COG5: variants seen among roughly 807,000 people sequenced by gnomAD.
COG5 encodes conserved oligomeric Golgi complex subunit 5.
Under a neutral mutation model 110.4 loss-of-function variants are expected in COG5, and 86 were observed. That is an observed-to-expected ratio of 0.78 (90% CI 0.65 to 0.93). The LOEUF (loss-of-function observed/expected upper bound fraction) is 0.93, where lower values mean the gene tolerates loss of function less well. COG5 is among the 40% of genes least tolerant of loss of function. The pLI, the probability that COG5 is intolerant of heterozygous loss-of-function variation, is 0.00. For missense variants in COG5, 1,077 were observed against 987.0 expected (o/e 1.09, Z -1.22); for synonymous variants, 360 against 334.6 (o/e 1.08, Z -0.83).
At chr7:107,538,608 C>G (rs1395131246) in intron 5 of COG5, among the ~76,000 whole-genome samples, 2 of 151,868 alleles carry the variant, frequency 1.3e-5, no homozygotes, top group Non-Finnish European at 2.9e-5. Context: ...AAAAAAAGTA[C>G]AGAAATTAGA....
chr7:107,535,155 G>T (rs1338272234), intron 5 of COG5, among the ~76,000 whole-genome samples: 1 of 151,538 alleles, frequency 6.6e-6, no homozygotes, highest in Non-Finnish European at 1.5e-5. Flanking sequence ...GAATCTCTGG[G>T]ACACAGCTAA....
intron 11 of COG5, among the ~76,000 whole-genome samples, chr7:107,309,753 GA>G (rs1366863382): frequency 5.3e-5 from 8 of 152,060 alleles, no homozygotes; most frequent in Non-Finnish European, 1.2e-4. Flanking sequence ...GTAATTTTAG[GA>G]ATTTTTTCAT....
At chr7:107,276,684 T>C (rs1440506445) in intron 14 of COG5, among the ~76,000 whole-genome samples, 2 of 152,136 alleles carry the variant, frequency 1.3e-5, no homozygotes, top group Non-Finnish European at 2.9e-5. Context: ...CTTTCCACTG[T>C]AAGGTCTAGT....
intron 6 of COG5, among the ~76,000 whole-genome samples, chr7:107,508,379 C>G (rs543979080): frequency 6.6e-6 from 1 of 152,194 alleles, no homozygotes; most frequent in East Asian, 1.9e-4. Context: ...CAAAGCAGCC[C>G]CGAAGCTCCA....
At chr7:107,261,799 A>AG (rs1358820272) in intron 14 of COG5, among the ~76,000 whole-genome samples, 1 of 152,106 alleles carries the variant, frequency 6.6e-6, no homozygotes, top group Non-Finnish European at 1.5e-5. Context: ...TGCTACTCTC[A>AG]GGCTGCCATT....
chr7:107,378,247 A>G (rs1814800747), intron 7 of COG5, among the ~76,000 whole-genome samples: 1 of 152,120 alleles, frequency 6.6e-6, no homozygotes, highest in South Asian at 2.1e-4. Flanking sequence ...AGGAAGTCCA[A>G]AGAGAAACCC....
At chr7:107,451,335 G>C (rs895667250) in intron 6 of COG5, among the ~76,000 whole-genome samples, 1 of 152,094 alleles carries the variant, frequency 6.6e-6, no homozygotes, top group Non-Finnish European at 1.5e-5. Flanking sequence ...AAGAAGCAGT[G>C]CCAGAAAACA....
chr7:107,353,179 AC>A (rs1194037193), intron 10 of COG5, among the ~76,000 whole-genome samples: 1 of 152,188 alleles, frequency 6.6e-6, no homozygotes, highest in Non-Finnish European at 1.5e-5. Flanking sequence ...TAATCCCAGC[AC>A]TTTGGGAGGC....
intron 6 of COG5, among the ~76,000 whole-genome samples, chr7:107,441,378 C>T (rs1794699000): frequency 1.3e-5 from 2 of 151,964 alleles, no homozygotes; most frequent in South Asian, 2.1e-4. Flanking sequence ...CTGCCATCTG[C>T]AGTGGGAACA....
chr7:107,403,471 G>T (rs1379714163), intron 7 of COG5, among the ~76,000 whole-genome samples: 6 of 151,866 alleles, frequency 4.0e-5, no homozygotes, highest in Non-Finnish European at 7.4e-5. Flanking sequence ...CACGTGCCAT[G>T]GTGGTTTTGC....
intron 14 of COG5, among the ~76,000 whole-genome samples, chr7:107,261,589 C>T (rs1803354551): frequency 6.6e-6 from 1 of 152,170 alleles, no homozygotes; most frequent in Non-Finnish European, 1.5e-5. Flanking sequence ...TTGCTCATTG[C>T]TGTTGACCCT....
At chr7:107,270,357 A>G (rs1804152573) in intron 14 of COG5, among the ~76,000 whole-genome samples, 1 of 150,158 alleles carries the variant, frequency 6.7e-6, no homozygotes, top group Non-Finnish European at 1.5e-5. Context: ...ACCTTCTGGG[A>G]TCAAGTGATC....
chr7:107,512,742 G>A (rs1228444544), intron 6 of COG5, among the ~76,000 whole-genome samples: 49 of 152,028 alleles, frequency 3.2e-4, no homozygotes, highest in South Asian at 6.2e-4. Flanking sequence ...AAATAATGCC[G>A]CATATCTACA....
At chr7:107,525,536 T>C (rs1333029578) in intron 6 of COG5, among the ~76,000 whole-genome samples, 1 of 149,344 alleles carries the variant, frequency 6.7e-6, no homozygotes, top group East Asian at 2.0e-4. Context: ...CAAGCATTAT[T>C]CATTGTTTAA....
At chr7:107,486,369 A>G (rs1051208137) in intron 6 of COG5, among the ~76,000 whole-genome samples, 1 of 152,046 alleles carries the variant, frequency 6.6e-6, no homozygotes, top group African/African-American at 2.4e-5. Flanking sequence ...CCTGATCACA[A>G]ATCTTCAACC....
rs556810967 is a variant in COG5 at position 107,464,521 on chromosome 7, C to T, written c.539-51889G>A. On this transcript the variant is annotated intron_variant, in intron 6 of 21. Transcript: ENST00000297135. ...ACCCCACCACTTAAACAAGAGCATT[C>T]GCTACTGGTCTCATATCCTCTAAAC... Among the ~76,000 whole-genome samples, 20 of 152,236 alleles carry T rather than the reference C, an allele frequency of 1.3e-4. No individual in the cohort carries two copies. The East Asian group carries it at 2.9e-3, about 22-fold the overall frequency.
chr7:107,419,788 G>A (rs1195456263), intron 6 of COG5, among the ~76,000 whole-genome samples: 4 of 152,002 alleles, frequency 2.6e-5, no homozygotes, highest in South Asian at 2.1e-4. Context: ...GGCTAGTCTC[G>A]AACTCCTGAC....
chr7:107,206,276 T>C (rs1048960410), intron 21 of COG5, among the ~76,000 whole-genome samples: 1 of 152,152 alleles, frequency 6.6e-6, no homozygotes, highest in African/African-American at 2.4e-5. Flanking sequence ...TTAAATAACA[T>C]GTAAGTTCAT....
chr7:107,365,923 G>T (rs943875920), intron 8 of COG5, among the ~76,000 whole-genome samples: 5 of 152,064 alleles, frequency 3.3e-5, no homozygotes, highest in African/African-American at 1.2e-4. Flanking sequence ...TCTCCCTTCA[G>T]CCATGCCTAC....
Sources: allele counts gnomAD v4.1 joint callset (sites outside exome capture counted in the v4.1 genomes callset), GRCh38; gene constraint gnomAD v4.1.1; transcripts MANE v1.5; gene names NCBI Gene and HGNC (gene_info 2026-07-23, HGNC 2026-07-21).